Variants in HDAC5 observed in about 807,000 individuals in gnomAD.
The protein encoded by HDAC5 is histone deacetylase 5.
In HDAC5, 25 loss-of-function variants were observed where a neutral mutation model predicts 133.3. That is an observed-to-expected ratio of 0.19 (90% CI 0.14 to 0.26). The LOEUF (loss-of-function observed/expected upper bound fraction) is 0.26. HDAC5 is among the 10% of genes least tolerant of loss of function. HDAC5 has a pLI of 1.00. For synonymous variants in HDAC5, 589 were observed against 610.8 expected, an observed-to-expected ratio of 0.96 and a Z score of 0.53; for missense variants, 1,041 against 1,460.5, an observed-to-expected ratio of 0.71 and a Z score of 4.68.
intron 3 of HDAC5, among the ~76,000 whole-genome samples, chr17:44,106,983 T>TA (rs1278080608): frequency 1.3e-5 from 2 of 150,704 alleles, no homozygotes; most frequent in African/African-American, 4.9e-5. Context: ...AGGGTCTTGT[T>TA]ATAGCGCCCA....
chr17:44,080,939 A>G, intron 20 of HDAC5, 57 bp from the exon 21 acceptor site: 1 of 1,611,666 alleles, frequency 6.2e-7, no homozygotes, highest in Non-Finnish European at 8.5e-7. Flanking sequence ...CCAATGGTCA[A>G]ATTCCACCTG....
chr17:44,091,343 G>A lies in HDAC5; in HGVS notation c.1314C>T (p.Pro438=). 1 of 1,607,638 alleles carries A rather than the reference G, an allele frequency of 6.2e-7. No individual in the cohort carries two copies. Among genetic ancestry groups the A allele is most frequent in the South Asian group, 1.1e-5 (1 of 90,210 alleles). The part of the protein sequence containing the change: ...LGVALEGDGS[P]HGHASLLQHV... ...GCTGCAGCAGGGAGGCATGCCCGTG[G>A]GGGCTCCCGTCGCCCTCCAGTGCCA... is the stretch of plus-strand genomic sequence containing the variant. The change falls in exon 11 of 27, where the codon CCC becomes CCT. Residue 438 remains proline, a synonymous_variant. Coordinates refer to ENST00000682912, the MANE Select transcript of HDAC5 (RefSeq NM_005474.5).
chr17:44,078,899 A>G lies in HDAC5; in HGVS notation c.3079-20T>C, dbSNP rs1248553831. 1 of 1,613,518 alleles carries G rather than the reference A, an allele frequency of 6.2e-7. No homozygotes were observed. The highest frequency in any genetic ancestry group is 1.3e-5 in the African/African-American group (1 of 74,990). On this transcript the variant is annotated intron_variant, in intron 24 of 26. Coordinates refer to ENST00000682912, the MANE Select transcript of HDAC5 (RefSeq NM_005474.5). ...CTGCAGCTGGCAGGGGAAAGAAGAG[A>G]AGGCTTAGGGTGGGGAGTAGGGTTG...
chr17:44,104,917 C>G (rs1180802855), intron 3 of HDAC5, among the ~76,000 whole-genome samples: 1 of 152,116 alleles, frequency 6.6e-6, no homozygotes, highest in Non-Finnish European at 1.5e-5. Context: ...AAACTGACCT[C>G]AGAGACCCTT....
At position 44,087,454 on chromosome 17, in the gene HDAC5, C is replaced by T. The variant is rs1204320464; in HGVS notation, c.1842G>A (p.Glu614=). ...CAGGCTCCTCCAAGTCGGGCCCCTC[C>T]TCAGCACCACTCTCGCCCTCCTCGT... The part of the protein sequence containing the change: ...VKDEEGESGA[E]EGPDLEEPGA... The change falls in exon 13 of 27, where the codon GAG becomes GAA. Residue 614 remains glutamate (E), a synonymous_variant. Transcript: ENST00000682912. 2.1e-6 allele frequency: 3 copies of T among 1,422,714 alleles called. No individual in the cohort carries two copies. In the African/African-American group the frequency reaches 4.2e-5, roughly 20 times the overall value. 88.1% of individuals were successfully genotyped at this position (1,422,714 alleles called of 1,614,324 possible). A position where few individuals can be genotyped will look rare whatever the true frequency, so the allele number is the denominator to read the frequency against.
At chr17:44,112,736 T>C (rs1206844572) in intron 2 of HDAC5, among the ~76,000 whole-genome samples, 1 of 152,162 alleles carries the variant, frequency 6.6e-6, no homozygotes, top group Non-Finnish European at 1.5e-5. Flanking sequence ...ACCACACCTA[T>C]AGGCAGAGGC....
At chr17:44,111,018 T>C (rs2052305541) in intron 2 of HDAC5, 2 of 554,502 alleles carry the variant, frequency 3.6e-6, no homozygotes, top group Non-Finnish European at 3.3e-6. Flanking sequence ...TGGGCACTCC[T>C]GGCGGCAGGA....
rs2052729136 is a variant in HDAC5, at chr17:44,117,623, G to GGAGC, written c.-112_-109dup. 7.4e-7 allele frequency: 1 copy of GGAGC among 1,355,174 alleles called. No homozygotes were observed. The highest frequency in any genetic ancestry group is 2.3e-5 in the East Asian group (1 of 43,632). 83.9% of individuals were successfully genotyped at this position (1,355,174 alleles called of 1,614,324 possible). ...CGATAACAGACAGACGGACGGGACG[G>GGAGC]GAGCCCGGGGCCGCCGTGCCTCTAA... is the stretch of plus-strand genomic sequence containing the variant. On this transcript the variant is annotated 5_prime_UTR_variant, in exon 2 of 27. It removes the in-frame stop codon of an upstream open reading frame in the 5' UTR. Transcript: ENST00000682912. This position sits in a 1 kb window ranked among gnomAD's most constrained non-coding sequence, Gnocchi z 4.2.
chr17:44,103,718 T>C (rs938731138), intron 3 of HDAC5, among the ~76,000 whole-genome samples: 1 of 151,940 alleles, frequency 6.6e-6, no homozygotes, highest in African/African-American at 2.4e-5. Flanking sequence ...TTTCTTTTTT[T>C]TTTTTTTGAG....
Position 44,117,847 on chromosome 17 carries a change from G to C in HDAC5, c.-189-143C>G. On this transcript the variant is annotated intron_variant, in intron 1 of 26. Transcript: ENST00000682912. The surrounding 1 kb of genome is among the most constrained non-coding windows in gnomAD (Gnocchi z 4.2). ...CCCACAGCCACAGGAGAAATCTGCAGAACTGGATAGACCCTGGTTTCTTAT... is the reference window on the plus strand; with the variant it reads ...CCCACAGCCACAGGAGAAATCTGCACAACTGGATAGACCCTGGTTTCTTAT... 1.8e-6 allele frequency: 1 copy of C among 560,380 alleles called. No individual in the cohort carries two copies. Among genetic ancestry groups the C allele is most frequent in the Non-Finnish European group, 3.2e-6 (1 of 314,670 alleles). 34.7% of individuals were successfully genotyped at this position (560,380 alleles called of 1,614,324 possible).
At chr17:44,084,836 C>G (rs1274897913) in intron 15 of HDAC5, among the ~76,000 whole-genome samples, 161 bp from the exon 16 acceptor site, 1 of 152,158 alleles carries the variant, frequency 6.6e-6, no homozygotes, top group Non-Finnish European at 1.5e-5. Flanking sequence ...TCCCGGATCC[C>G]CCCCACTCAG....
At chr17:44,089,747 CAAAAAAAA>C (rs869263828) in intron 11 of HDAC5, among the ~76,000 whole-genome samples, 3 of 34,058 alleles carry the variant, frequency 8.8e-5, no homozygotes, top group Admixed American at 4.7e-4. Context: ...AACTTCGTCT[CAAAAAAAA>C]AAAAAAAAAA....
intron 11 of HDAC5, among the ~76,000 whole-genome samples, chr17:44,089,931 C>CAA (rs386386141): frequency 0.66 from 57,221 of 86,164 alleles, 19,097 homozygotes; most frequent in South Asian, 0.84. Flanking sequence ...GATTCTGTCT[C>CAA]AAAAAAAAAA....
chr17:44,094,422 G>A (rs144767023), intron 3 of HDAC5, among the ~76,000 whole-genome samples: 1 of 151,950 alleles, frequency 6.6e-6, no homozygotes, highest in East Asian at 1.9e-4. Flanking sequence ...TAGATCACGA[G>A]GTCAGGAGAT....
chr17:44,085,450 G>T, intron 14 of HDAC5: 1 of 253,288 alleles, frequency 3.9e-6, no homozygotes. Flanking sequence ...GGGCTCAAGC[G>T]ATCCTCCCAC....
At chr17:44,088,739 AC>A (rs1428622442) in intron 11 of HDAC5, 141 bp from the exon 12 acceptor site, 161 of 1,211,142 alleles carry the variant, frequency 1.3e-4, no homozygotes, top group Non-Finnish European at 1.8e-4. Context: ...GACCTGAAGC[AC>A]CCCCCACCCA....
At chr17:44,094,636 C>T (rs2051145263) in intron 3 of HDAC5, among the ~76,000 whole-genome samples, 1 of 151,766 alleles carries the variant, frequency 6.6e-6, no homozygotes, top group Admixed American at 6.6e-5. Flanking sequence ...GCCTCCATCT[C>T]AAAAAAATAA....
intron 18 of HDAC5, 64 bp downstream of exon 18, chr17:44,083,480 CT>C (rs1280898470): frequency 3.4e-6 from 4 of 1,186,102 alleles, no homozygotes; most frequent in East Asian, 2.5e-5. Flanking sequence ...AAGGCTGCCC[CT>C]GTCCTCTGCC....
intron 3 of HDAC5, among the ~76,000 whole-genome samples, chr17:44,110,435 G>C (rs1567685473): frequency 6.6e-6 from 1 of 152,212 alleles, no homozygotes; most frequent in African/African-American, 2.4e-5. Context: ...AACTAGGCCA[G>C]GATCCTCCAG....
Sources: allele counts gnomAD v4.1 joint callset (sites outside exome capture counted in the v4.1 genomes callset), GRCh38; gene constraint gnomAD v4.1.1; non-coding constraint Gnocchi (gnomAD v3.1); transcripts MANE v1.5; gene names NCBI Gene and HGNC (gene_info 2026-07-23, HGNC 2026-07-21).